CORIN: variants seen among roughly 807,000 people sequenced by gnomAD.
CORIN encodes the protein corin, serine peptidase, also known as atrial natriuretic peptide-converting enzyme.
CORIN carries 117 observed loss-of-function variants against 125.3 expected under a neutral mutation model. The ratio of observed to expected loss-of-function variants is 0.93; its 90% CI spans 0.80 to 1.09. The LOEUF is 1.09. Among genes scored for constraint, CORIN ranks in the 50% least tolerant of loss-of-function variants. The probability of loss-of-function intolerance (pLI) is 0.00; values close to 1 mark genes in which losing one functional copy is unlikely to be tolerated. For synonymous variants in CORIN, 450 were observed against 466.4 expected, an observed-to-expected ratio of 0.96 and a Z score of 0.45; for missense variants, 1,253 against 1,306.7, an observed-to-expected ratio of 0.96 and a Z score of 0.63.
chr4:47,663,386 T>C (rs1469684404), intron 11 of CORIN, among the ~76,000 whole-genome samples: 4 of 152,144 alleles, frequency 2.6e-5, no homozygotes, highest in Non-Finnish European at 4.4e-5. Flanking sequence ...ATGTATTGCT[T>C]TATGAACTTA....
chr4:47,715,995 G>T (rs963043255), intron 5 of CORIN, among the ~76,000 whole-genome samples: 1 of 152,184 alleles, frequency 6.6e-6, no homozygotes, highest in African/African-American at 2.4e-5. Context: ...GGAAGTAGAA[G>T]AATTTTCAAC....
At position 47,772,113 on chromosome 4, in the gene CORIN, A is replaced by ATAGATAGG. The variant is rs1181951973; in HGVS notation, c.410-8528_410-8527insCCTATCTA. 4.0e-3 allele frequency among the ~76,000 whole-genome samples: 600 copies of ATAGATAGG among 151,434 alleles called. 4 individuals carry two copies. Among genetic ancestry groups the ATAGATAGG allele is most frequent in the African/African-American group, 0.013 (525 of 40,988 alleles). ...GATAGATAGATAGATAGATAGATAG[A>ATAGATAGG]TAGGTAGATAGATAATTGTCTCTAT... is the stretch of plus-strand genomic sequence containing the variant. On this transcript the variant is annotated intron_variant, in intron 3 of 21. Coordinates refer to ENST00000273857, the MANE Select transcript of CORIN (RefSeq NM_006587.4).
intron 1 of CORIN, among the ~76,000 whole-genome samples, chr4:47,824,059 G>A: frequency 6.6e-6 from 1 of 151,360 alleles, no homozygotes; most frequent in East Asian, 1.9e-4. Context: ...TCACCAAGGA[G>A]CAAGGAATAG....
intron 5 of CORIN, among the ~76,000 whole-genome samples, chr4:47,698,873 C>G (rs1560510701): frequency 6.6e-6 from 1 of 152,168 alleles, no homozygotes; most frequent in Non-Finnish European, 1.5e-5. Flanking sequence ...TTTACATACA[C>G]AAATGCTTAT....
intron 6 of CORIN, among the ~76,000 whole-genome samples, chr4:47,691,339 TG>T (rs1725760173): frequency 6.6e-6 from 1 of 152,234 alleles, no homozygotes; most frequent in Non-Finnish European, 1.5e-5. Context: ...TTCCCTATTT[TG>T]GCTGCTTTGC....
intron 1 of CORIN, among the ~76,000 whole-genome samples, chr4:47,813,740 T>C (rs1732152040): frequency 6.6e-6 from 1 of 152,236 alleles, no homozygotes; most frequent in African/African-American, 2.4e-5. Context: ...TTAAATAAAC[T>C]ATGTAGACTT....
intron 19 of CORIN, among the ~76,000 whole-genome samples, chr4:47,621,960 T>A (rs567190000): frequency 6.8e-6 from 1 of 147,370 alleles, no homozygotes; most frequent in South Asian, 2.2e-4. Context: ...TAACTCGTCA[T>A]CTAACATTAG....
At chr4:47,740,407 C>A (rs1728331586) in intron 5 of CORIN, among the ~76,000 whole-genome samples, 1 of 151,828 alleles carries the variant, frequency 6.6e-6, no homozygotes, top group South Asian at 2.1e-4. Context: ...TCCTTCAGTT[C>A]TGTCAGATTT....
At chr4:47,725,190 G>A (rs751560378) in intron 5 of CORIN, among the ~76,000 whole-genome samples, 6 of 151,942 alleles carry the variant, frequency 3.9e-5, no homozygotes, top group African/African-American at 7.2e-5. Context: ...AAGATGCCAA[G>A]TCTCCCCAAA....
rs1469960514 is a variant in CORIN at position 47,671,699 on chromosome 4, C to T, written c.1357+2694G>A. Among the ~76,000 whole-genome samples, 3 of 152,274 alleles carry T rather than the reference C, an allele frequency of 2.0e-5. No homozygotes were observed. In the East Asian group the frequency reaches 5.8e-4, roughly 29 times the overall value. On this transcript the variant is annotated intron_variant, in intron 10 of 21. Coordinates refer to ENST00000273857, the MANE Select transcript of CORIN (RefSeq NM_006587.4). ...TCCTGGATTCATGCCATTCTCCTGC[C>T]TCAGCCTCTTGAGTAGCTGGGACTA...
rs766002094 is a variant in CORIN at position 47,662,413 on chromosome 4, C to T, written c.1590-557G>A. ...CTTCCAAACCCACTTACGTTGAGCT[C>T]GAGTTGGTTAAAATGTTTGGTTTTT... On this transcript the variant is annotated intron_variant, in intron 11 of 21. Coordinates refer to ENST00000273857, the MANE Select transcript of CORIN (RefSeq NM_006587.4). Among the ~76,000 whole-genome samples the T allele has an allele frequency of 2.6e-5, 4 of 152,002 alleles. No homozygotes were observed. The East Asian group carries it at 5.8e-4, about 22-fold the overall frequency.
chr4:47,736,357 T>C (rs921820116), intron 5 of CORIN, among the ~76,000 whole-genome samples: 11 of 152,154 alleles, frequency 7.2e-5, no homozygotes, highest in Non-Finnish European at 1.6e-4. Flanking sequence ...CCCTGTCAAG[T>C]ACAACTAGAA....
Position 47,673,577 on chromosome 4 carries a change from T to C in CORIN, c.1357+816A>G, listed in dbSNP as rs1724869250. Among the ~76,000 whole-genome samples the C allele has an allele frequency of 2.0e-5, 3 of 152,084 alleles. No individual in the cohort carries two copies. In the South Asian group the frequency reaches 6.2e-4, roughly 32 times the overall value. On this transcript the variant is annotated intron_variant, in intron 10 of 21. Coordinates refer to ENST00000273857, the MANE Select transcript of CORIN (RefSeq NM_006587.4). ...GGGGATTTTCTGATTCCATTTTCCATGAGAGTCCATAGGGTGCTCTTTCAC... is the reference window on the plus strand; with the variant it reads ...GGGGATTTTCTGATTCCATTTTCCACGAGAGTCCATAGGGTGCTCTTTCAC...
intron 14 of CORIN, 94 bp downstream of exon 14, chr4:47,644,987 G>T: frequency 1.5e-6 from 1 of 650,098 alleles, no homozygotes. Context: ...AGATTTGTAT[G>T]CATATTTACA....
chr4:47,635,376 T>A (rs567955592), intron 16 of CORIN, among the ~76,000 whole-genome samples: 1 of 152,282 alleles, frequency 6.6e-6, no homozygotes, highest in South Asian at 2.1e-4. Flanking sequence ...TGTGATAGAG[T>A]TACATGCTGA....
chr4:47,676,720 T>G (rs1349694774), intron 9 of CORIN, among the ~76,000 whole-genome samples: 1 of 152,266 alleles, frequency 6.6e-6, no homozygotes, highest in African/African-American at 2.4e-5. Context: ...TTTTATCATA[T>G]GACTTTCTTA....
chr4:47,756,452 A>G (rs916490281), intron 4 of CORIN, among the ~76,000 whole-genome samples: 6 of 152,232 alleles, frequency 3.9e-5, no homozygotes, highest in African/African-American at 1.4e-4. Flanking sequence ...CACACATAAT[A>G]TAAAATTTGG....
At chr4:47,690,060 A>C (rs1725700584) in intron 6 of CORIN, among the ~76,000 whole-genome samples, 1 of 152,228 alleles carries the variant, frequency 6.6e-6, no homozygotes, top group Admixed American at 6.5e-5. Flanking sequence ...GAAGAGATTG[A>C]CAAGACAAAA....
chr4:47,654,970 TA>T (rs1481164770), intron 12 of CORIN, among the ~76,000 whole-genome samples: 2 of 151,786 alleles, frequency 1.3e-5, no homozygotes, highest in African/African-American at 4.8e-5. Context: ...GCAACTTGGA[TA>T]TCAGCTTAGC....
Sources: gnomAD v4.1 joint callset for allele counts (sites outside exome capture counted in the v4.1 genomes callset) on GRCh38, gnomAD v4.1.1 for gene constraint, MANE v1.5 for transcripts, NCBI Gene and HGNC (gene_info 2026-07-23, HGNC 2026-07-21) for gene names.